Variants in ARHGEF38 observed in about 807,000 individuals in gnomAD.
The protein encoded by ARHGEF38 is Rho guanine nucleotide exchange factor (GEF) 38.
In ARHGEF38, 79 loss-of-function variants were observed where a neutral mutation model predicts 79.9. That is an observed-to-expected ratio of 0.99 (90% confidence interval 0.82 to 1.19). The LOEUF (loss-of-function observed/expected upper bound fraction) is 1.19, where lower values mean the gene tolerates loss of function less well. Ranked by LOEUF, ARHGEF38 falls within the 50% of genes most tolerant of loss-of-function variation. The probability of loss-of-function intolerance (pLI) is 0.00; values close to 1 mark genes in which losing one functional copy is unlikely to be tolerated. For synonymous variants in ARHGEF38, 366 were observed against 328.3 expected, an observed-to-expected ratio of 1.11 and a Z score of -1.24; for missense variants, 962 against 907.2, an observed-to-expected ratio of 1.06 and a Z score of -0.78.
Position 105,589,353 on chromosome 4 carries a change from A to T in ARHGEF38, c.302A>T (p.Glu101Val). The T allele has an allele frequency of 6.2e-7, 1 of 1,614,134 alleles. No individual in the cohort carries two copies. Among genetic ancestry groups the T allele is most frequent in the Non-Finnish European group, 8.5e-7 (1 of 1,180,000 alleles). Residue 101 changes from glutamate (E) to valine (V), a missense_variant, in exon 2 of 14, where the codon GAG becomes GTG. Transcript: ENST00000420470. ...MMAKREKIIK[E>V]LIQTEKDYLN... ...GCAAAGCGGGAAAAGATCATTAAGG[A>T]GCTGATACAGACAGAAAAGGATTAT...
intron 7 of ARHGEF38, among the ~76,000 whole-genome samples, 166 bp downstream of exon 7, chr4:105,648,848 T>TCTCTCTC (rs1729970218): frequency 9.2e-6 from 1 of 108,620 alleles, no homozygotes; most frequent in African/African-American, 5.6e-5. Flanking sequence ...CTCTCTCTCT[T>TCTCTCTC]TCTCTCTCTC....
intron 1 of ARHGEF38, among the ~76,000 whole-genome samples, chr4:105,586,246 T>C (rs1488700528): frequency 1.7e-5 from 2 of 115,692 alleles, no homozygotes; most frequent in East Asian, 1.9e-4. Flanking sequence ...AATGCAAACA[T>C]AGAAAGTGTT....
At chr4:105,660,459 G>GGA (rs1730518274) in intron 10 of ARHGEF38, among the ~76,000 whole-genome samples, 1 of 149,970 alleles carries the variant, frequency 6.7e-6, no homozygotes. Context: ...GGTGGGGGGG[G>GGA]ATGGAGTTTC....
chr4:105,641,729 T>TC (rs1244529927), intron 5 of ARHGEF38, among the ~76,000 whole-genome samples: 1 of 152,008 alleles, frequency 6.6e-6, no homozygotes, highest in African/African-American at 2.4e-5. Flanking sequence ...TATCTAATTT[T>TC]TTTTTGTTTT....
chr4:105,631,374 A>G, intron 4 of ARHGEF38: 2 of 1,007,110 alleles, frequency 2.0e-6, no homozygotes, highest in Admixed American at 5.8e-5. Flanking sequence ...TTCAAGGATT[A>G]TGTGAGATAA....
At position 105,666,170 on chromosome 4, in the gene ARHGEF38, C is replaced by A; in HGVS notation, c.1546-7C>A. The A allele has an allele frequency of 6.6e-7, 1 of 1,512,598 alleles. No individual in the cohort carries two copies. Among genetic ancestry groups the A allele is most frequent in the Non-Finnish European group, 8.8e-7 (1 of 1,138,926 alleles). The allele number at this position is 1,512,598 out of a possible 1,614,324, so 93.7% of individuals were successfully genotyped here. A position where few individuals can be genotyped will look rare whatever the true frequency, so the allele number is the denominator to read the frequency against. On this transcript the variant is annotated splice_polypyrimidine_tract_variant and splice_region_variant and intron_variant, in intron 10 of 13. Transcript: ENST00000420470. ...TGGAAACAATGCCATATTATTTCTA[C>A]CTATAGATGCCACTGTTGGTTTCAA...
chr4:105,656,166 C>A (rs901177306), intron 9 of ARHGEF38, among the ~76,000 whole-genome samples: 1 of 152,098 alleles, frequency 6.6e-6, no homozygotes, highest in African/African-American at 2.4e-5. Context: ...GCAATCCTCG[C>A]TCCTCAGCCT....
At chr4:105,660,129 T>A (rs1730502803) in intron 10 of ARHGEF38, among the ~76,000 whole-genome samples, 1 of 152,108 alleles carries the variant, frequency 6.6e-6, no homozygotes, top group South Asian at 2.1e-4. Context: ...ATACTTTGAA[T>A]TAAATTAAAT....
chr4:105,589,515 G>A lies in ARHGEF38; in HGVS notation c.384+80G>A. The A allele has an allele frequency of 3.2e-6, 4 of 1,248,842 alleles. No individual in the cohort carries two copies. The Admixed American group carries it at 9.2e-5, about 29-fold the overall frequency. 77.4% of individuals were successfully genotyped at this position (1,248,842 alleles called of 1,614,324 possible). ...AGCACCATGAAATTGAAGCACTCAG[G>A]TGTATCAATGGGATGATGTGCCTTT... is the stretch of plus-strand genomic sequence containing the variant. On this transcript the variant is annotated intron_variant, in intron 2 of 13. Transcript: ENST00000420470.
intron 2 of ARHGEF38, among the ~76,000 whole-genome samples, chr4:105,595,708 C>A (rs956809274): frequency 6.6e-6 from 1 of 152,014 alleles, no homozygotes; most frequent in Non-Finnish European, 1.5e-5. Context: ...TTACACATAA[C>A]CTACACACAT....
chr4:105,589,889 A>T (rs1727242049), intron 2 of ARHGEF38, among the ~76,000 whole-genome samples: 1 of 151,986 alleles, frequency 6.6e-6, no homozygotes, highest in Non-Finnish European at 1.5e-5. Flanking sequence ...AATACAAAAA[A>T]TTAGCTGGGC....
intron 4 of ARHGEF38, chr4:105,631,632 T>C: frequency 2.0e-6 from 2 of 985,184 alleles, no homozygotes; most frequent in Non-Finnish European, 2.4e-6. Flanking sequence ...TGTGAAAATC[T>C]GAAAAATATA....
At chr4:105,604,137 G>A (rs1316926382) in intron 2 of ARHGEF38, among the ~76,000 whole-genome samples, 1 of 152,154 alleles carries the variant, frequency 6.6e-6, no homozygotes, top group East Asian at 1.9e-4. Context: ...CAAAGGCAAG[G>A]CCACGAAGAG....
downstream of ARHGEF38, among the ~76,000 whole-genome samples, chr4:105,681,692 AGAGTT>A (rs1260444991): frequency 6.6e-6 from 1 of 152,162 alleles, no homozygotes. Context: ...CTCGGCTTAT[AGAGTT>A]ATTTATATCC....
At chr4:105,580,355 G>A (rs1297241741) in intron 1 of ARHGEF38, among the ~76,000 whole-genome samples, 1 of 152,110 alleles carries the variant, frequency 6.6e-6, no homozygotes, top group Non-Finnish European at 1.5e-5. Context: ...GGCATTTAGT[G>A]CTATATATTT....
chr4:105,586,876 G>C (rs183873), intron 1 of ARHGEF38, among the ~76,000 whole-genome samples: 30,238 of 151,386 alleles, frequency 0.2, 3,913 homozygotes, highest in African/African-American at 0.37. Flanking sequence ...AGTAAAGGAC[G>C]TCCCTCACAC....
intron 5 of ARHGEF38, among the ~76,000 whole-genome samples, chr4:105,644,661 G>A (rs1578341634): frequency 1.3e-5 from 2 of 152,328 alleles, no homozygotes; most frequent in East Asian, 3.9e-4. Flanking sequence ...ACATTTATCA[G>A]AAGTCCCTTT....
chr4:105,606,163 G>C (rs1433141240), intron 2 of ARHGEF38, among the ~76,000 whole-genome samples: 1 of 152,066 alleles, frequency 6.6e-6, no homozygotes, highest in Non-Finnish European at 1.5e-5. Flanking sequence ...TAATTCTAAT[G>C]TAATTACTAC....
chr4:105,669,812 A>G (rs1032480871), intron 13 of ARHGEF38, among the ~76,000 whole-genome samples: 2 of 151,586 alleles, frequency 1.3e-5, no homozygotes, highest in Non-Finnish European at 2.9e-5. Context: ...CCCACCCCTA[A>G]CCCCAGGGAA....
Sources: gnomAD v4.1 joint callset for allele counts (sites outside exome capture counted in the v4.1 genomes callset) on GRCh38, gnomAD v4.1.1 for gene constraint, MANE v1.5 for transcripts, NCBI Gene and HGNC (gene_info 2026-07-23, HGNC 2026-07-21) for gene names.